Variants in RAB33A observed in about 807,000 individuals in gnomAD.
The protein encoded by RAB33A is RAB33A, member RAS oncogene family, also known as ras-related protein Rab-33A.
RAB33A carries 6 observed loss-of-function variants against 12.0 expected under a neutral mutation model. That is an observed-to-expected ratio of 0.50 (90% CI 0.27 to 0.99). The LOEUF (loss-of-function observed/expected upper bound fraction) is 0.99. RAB33A is among the 50% of genes least tolerant of loss of function. The pLI, the probability that RAB33A is intolerant of heterozygous loss-of-function variation, is 0.11. For missense variants in RAB33A, 109 were observed against 192.0 expected (o/e 0.57, Z 2.55); for synonymous variants, 70 against 82.4 (o/e 0.85, Z 0.81).
chrX:130,136,245 G>GT, the RAB33A span: 2 of 1,149,238 alleles, frequency 1.7e-6, no homozygotes, highest in African/African-American at 1.8e-5. Context: ...GCCTACAGGC[G>GT]TAACAATGGC....
At chrX:130,181,007 C>CAAAAAAAAAAAAAA (rs60085312) in intron 1 of RAB33A, among the ~76,000 whole-genome samples, 1 of 8,129 alleles carries the variant, frequency 1.2e-4, no homozygotes, top group African/African-American at 3.4e-4. Context: ...CAGTCCATCT[C>CAAAAAAAAAAAAAA]AAAAAAAAAA....
the RAB33A span, among the ~76,000 whole-genome samples, chrX:130,115,562 G>A: frequency 9.1e-6 from 1 of 110,000 alleles, no homozygotes; most frequent in East Asian, 2.8e-4. Context: ...GCAGTGAGCC[G>A]ATATCACGCC....
the RAB33A span, among the ~76,000 whole-genome samples, chrX:130,157,271 T>A: frequency 8.9e-6 from 1 of 112,525 alleles, no homozygotes; most frequent in East Asian, 2.8e-4. Context: ...TATTTTGACG[T>A]AAAACTATGC....
chrX:130,163,369 T>C, the RAB33A span, among the ~76,000 whole-genome samples: 2 of 110,366 alleles, frequency 1.8e-5, no homozygotes, highest in African/African-American at 6.6e-5. Context: ...AAACGAACCT[T>C]GCTCTTTCCC....
chrX:130,162,193 A>G, the RAB33A span, among the ~76,000 whole-genome samples: 1 of 112,112 alleles, frequency 8.9e-6, no homozygotes, highest in Non-Finnish European at 1.9e-5. Context: ...ATTTAGGAGA[A>G]TGGCTGCTAC....
the RAB33A span, chrX:130,138,713 C>T: frequency 3.6e-6 from 4 of 1,124,729 alleles, no homozygotes; most frequent in Non-Finnish European, 4.9e-6. Context: ...TGCAGGATCA[C>T]ATCAGTTTAG....
chrX:130,150,327 T>A, the RAB33A span, among the ~76,000 whole-genome samples: 1 of 65,199 alleles, frequency 1.5e-5, no homozygotes, highest in Non-Finnish European at 3.0e-5. Flanking sequence ...TATTGGAGAC[T>A]TTTTTTTTTT....
upstream of RAB33A, chrX:130,171,569 GC>G (rs1476690968): frequency 8.2e-6 from 1 of 121,394 alleles, no homozygotes; most frequent in African/African-American, 3.2e-5. Context: ...ATAAACGGGG[GC>G]AAGGAGAAAG....
At chrX:130,116,264 C>T in the RAB33A span, among the ~76,000 whole-genome samples, 221 of 108,879 alleles carry the variant, frequency 2.0e-3, no homozygotes, top group African/African-American at 6.8e-3. Flanking sequence ...GGATTACAGA[C>T]GCCTGCCACC....
At chrX:130,183,152 C>T (rs1365187891) in intron 1 of RAB33A, among the ~76,000 whole-genome samples, 1 of 108,572 alleles carries the variant, frequency 9.2e-6, no homozygotes, top group African/African-American at 3.3e-5. Flanking sequence ...AGATGATCCA[C>T]CTGCCTCAGC....
rs775397466 is a variant in RAB33A, at chrX:130,184,779, G to A, written c.*39G>A. 16 of 1,137,801 alleles carry A rather than the reference G, an allele frequency of 1.4e-5. No homozygotes were observed. The highest frequency in any genetic ancestry group is 4.9e-5 in the Admixed American group (2 of 41,015). The allele number at this position is 1,137,801 out of a possible 1,213,427, so 93.8% of individuals were successfully genotyped here. Reference sequence around the variant, plus strand: ...AAATACAAGATAAATTATCACTGGAGTTTTTTCTTTCCCTTTTTTCTGTGC... The same window carrying A: ...AAATACAAGATAAATTATCACTGGAATTTTTTCTTTCCCTTTTTTCTGTGC... On this transcript the variant is annotated 3_prime_UTR_variant, in exon 2 of 2. Transcript: ENST00000257017.
chrX:130,135,878 G>GC, the RAB33A span, among the ~76,000 whole-genome samples: 1 of 111,690 alleles, frequency 9.0e-6, no homozygotes, highest in Non-Finnish European at 1.9e-5. Flanking sequence ...GGCCATACCT[G>GC]GTCTTCTGAA....
the RAB33A span, among the ~76,000 whole-genome samples, chrX:130,147,118 C>T: frequency 1.8e-5 from 2 of 111,224 alleles, no homozygotes; most frequent in East Asian, 2.8e-4. Context: ...GCTGAGATTG[C>T]GCCACTGCAC....
At chrX:130,128,127 G>A in the RAB33A span, among the ~76,000 whole-genome samples, 1 of 111,664 alleles carries the variant, frequency 9.0e-6, no homozygotes, top group South Asian at 3.7e-4. Flanking sequence ...TGTTCTCCCA[G>A]TGTTCAGAAG....
the RAB33A span, among the ~76,000 whole-genome samples, chrX:130,134,691 G>A: frequency 2.7e-5 from 3 of 110,495 alleles, no homozygotes; most frequent in South Asian, 3.9e-4. Context: ...ACCTCCAGCC[G>A]GGGGTGAACT....
In RAB33A at chrX:130,180,914, A is replaced by G. The variant is rs753961429; in HGVS notation, c.259-3371A>G. ...TCCCAGCTACTTGGGAGGCTGAGGC[A>G]GGAGAATCGCTTGAACCTGGGAGGT... On this transcript the variant is annotated intron_variant, in intron 1 of 1. Coordinates refer to ENST00000257017, the MANE Select transcript of RAB33A (RefSeq NM_004794.3). 3.1e-5 allele frequency among the ~76,000 whole-genome samples: 3 copies of G among 96,986 alleles called. No homozygotes were observed. The South Asian group carries it at 1.7e-3, about 54-fold the overall frequency. 84.2% of individuals were successfully genotyped at this position (96,986 alleles called of 115,157 possible). A position where few individuals can be genotyped will look rare whatever the true frequency, so the allele number is the denominator to read the frequency against.
the RAB33A span, chrX:130,145,419 C>G: frequency 2.3e-6 from 2 of 879,473 alleles, no homozygotes; most frequent in Non-Finnish European, 3.4e-6. Context: ...ACACACATCA[C>G]CATACTGGCT....
At chrX:130,112,632 C>T in the RAB33A span, among the ~76,000 whole-genome samples, 3 of 111,673 alleles carry the variant, frequency 2.7e-5, no homozygotes, top group Admixed American at 9.5e-5. Context: ...TTTGGGATGC[C>T]GAGCGGGGTG....
At chrX:130,183,306 A>G (rs2031751469) in intron 1 of RAB33A, among the ~76,000 whole-genome samples, 1 of 108,954 alleles carries the variant, frequency 9.2e-6, no homozygotes. Flanking sequence ...CAGTAATCCC[A>G]GCACTTTGGG....
Sources: gnomAD v4.1 joint callset for allele counts (sites outside exome capture counted in the v4.1 genomes callset) on GRCh38, gnomAD v4.1.1 for gene constraint, MANE v1.5 for transcripts, NCBI Gene and HGNC (gene_info 2026-07-23, HGNC 2026-07-21) for gene names.